NCOA7: variants seen among roughly 807,000 people sequenced by gnomAD.
NCOA7 encodes the protein 140 kDa estrogen receptor-associated protein.
A neutral mutation model predicts 104.3 loss-of-function variants in NCOA7; 45 were observed. The ratio of observed to expected loss-of-function variants is 0.43; its 90% CI spans 0.34 to 0.55. The LOEUF is 0.55. Ranked by LOEUF, NCOA7 falls within the 20% of genes least tolerant of loss-of-function variation. NCOA7 has a pLI of 0.02. For synonymous variants in NCOA7, 398 were observed against 402.3 expected, an observed-to-expected ratio of 0.99 and a Z score of 0.13; for missense variants, 1,041 against 1,119.7, an observed-to-expected ratio of 0.93 and a Z score of 1.00.
chr6:125,836,782 TC>T (rs1358046535), intron 2 of NCOA7, among the ~76,000 whole-genome samples: 1 of 152,212 alleles, frequency 6.6e-6, no homozygotes, highest in East Asian at 1.9e-4. Context: ...TTGCCTTTTA[TC>T]AACAACTACT....
At chr6:125,928,335 G>A (rs1054237765) in intron 15 of NCOA7, 88 bp downstream of exon 15, 18 of 1,195,480 alleles carry the variant, frequency 1.5e-5, no homozygotes, top group African/African-American at 4.6e-5. Flanking sequence ...TTAAAACTTC[G>A]GTGTCAGGTT....
intron 3 of NCOA7, among the ~76,000 whole-genome samples, chr6:125,856,999 C>T (rs908959607): frequency 1.1e-4 from 16 of 152,118 alleles, no homozygotes; most frequent in Non-Finnish European, 1.8e-4. Context: ...GATGATCTAT[C>T]GGCAGCCGAA....
At position 125,889,623 on chromosome 6, in the gene NCOA7, T is replaced by G; in HGVS notation, c.1569T>G (p.Ile523Met). Residue 523 changes from isoleucine to methionine, a missense_variant, in exon 9 of 16, where the codon ATT (isoleucine) becomes ATG (methionine). By Grantham distance (10) the Ile-to-Met change is conservative. Around this residue, in one of 2 missense-constraint regions of NCOA7, gnomAD observed 914 missense variants for 942.7 expected, o/e 0.97. Transcript: ENST00000392477. ...IHEDLDKVKL[I>M]EYYLTKNKEG... is the part of the protein sequence containing the mutation. The stretch of plus-strand genomic sequence containing the variant: ...AAGATTTAGATAAAGTTAAACTCAT[T>G]GAATATTACCTGACTAAGAACAAAG... 1 of 1,613,800 alleles carries G rather than the reference T, an allele frequency of 6.2e-7. No individual in the cohort carries two copies. Among genetic ancestry groups the G allele is most frequent in the Non-Finnish European group, 8.5e-7 (1 of 1,179,940 alleles).
chr6:125,885,413 G>T, intron 8 of NCOA7, 70 bp downstream of exon 8: 3 of 1,480,456 alleles, frequency 2.0e-6, no homozygotes, highest in Non-Finnish European at 1.9e-6. Flanking sequence ...AAAAATGAGG[G>T]CATTTGCATG....
At chr6:125,895,537 G>A (rs186095135) in intron 10 of NCOA7, among the ~76,000 whole-genome samples, 15 of 152,228 alleles carry the variant, frequency 9.9e-5, no homozygotes, top group African/African-American at 2.9e-4. Flanking sequence ...CATGTGCTGC[G>A]TTAGGCCATT....
chr6:125,916,070 C>T (rs575866591), intron 11 of NCOA7, among the ~76,000 whole-genome samples: 3 of 152,274 alleles, frequency 2.0e-5, no homozygotes, highest in East Asian at 3.9e-4. Flanking sequence ...TAATTATAAT[C>T]CCCAAATGTC....
chr6:125,811,721 C>G (rs757217166), intron 1 of NCOA7, among the ~76,000 whole-genome samples: 2 of 152,076 alleles, frequency 1.3e-5, no homozygotes, highest in Non-Finnish European at 2.9e-5. Flanking sequence ...TCCTTGCACT[C>G]GAATTCTTGA....
rs141327228 is a variant in NCOA7 at position 125,785,724 on chromosome 6, G to A, written c.-141-413G>A. ...TCTCAAGCTACTGAACAGACTATTC[G>A]TAGAAGAAATAAGACAACAGGAAAT... is the stretch of plus-strand genomic sequence containing the variant. On this transcript the variant is annotated intron_variant, in intron 1 of 16. Transcript: ENST00000368357. Among the ~76,000 whole-genome samples the A allele has an allele frequency of 3.1e-3, 468 of 152,180 alleles. 1 individual carries two copies. The highest frequency in any genetic ancestry group is 0.011 in the African/African-American group (438 of 41,486).
At chr6:125,893,988 G>A (rs533650004) in intron 10 of NCOA7, among the ~76,000 whole-genome samples, 1 of 152,234 alleles carries the variant, frequency 6.6e-6, no homozygotes, top group African/African-American at 2.4e-5. Flanking sequence ...GGTGTGCTGG[G>A]GAGATCTGCA....
intron 11 of NCOA7, 128 bp from the exon 12 acceptor site, chr6:125,920,815 G>A (rs1335615409): frequency 1.7e-6 from 2 of 1,207,032 alleles, no homozygotes; most frequent in Non-Finnish European, 2.3e-6. Flanking sequence ...CCAAAGTCCT[G>A]TTCAGTTGAT....
intron 1 of NCOA7, among the ~76,000 whole-genome samples, chr6:125,814,098 T>C (rs1777342778): frequency 6.6e-6 from 1 of 152,188 alleles, no homozygotes; most frequent in South Asian, 2.1e-4. Context: ...GTTTATTGAA[T>C]TGAAATGAAT....
intron 1 of NCOA7, among the ~76,000 whole-genome samples, chr6:125,805,845 A>G (rs756941443): frequency 6.6e-6 from 1 of 152,146 alleles, no homozygotes; most frequent in Non-Finnish European, 1.5e-5. Flanking sequence ...GCATATTTGG[A>G]TGCATGGAAA....
Position 125,840,868 on chromosome 6 carries a change from G to GTTTTT in NCOA7, c.51-14114_51-14110dup, listed in dbSNP as rs57168444. On this transcript the variant is annotated intron_variant, in intron 2 of 15. Coordinates refer to ENST00000392477, the MANE Select transcript of NCOA7 (RefSeq NM_181782.5). ...TTTTATGGTTTTTTTTGTTTGGTTG[G>GTTTTT]TTTTTTTTTTTTTTTTTTTTTTTTT... Among the ~76,000 whole-genome samples the GTTTTT allele has an allele frequency of 2.2e-3, 88 of 40,368 alleles. 16 individuals are homozygous for GTTTTT. The highest frequency in any genetic ancestry group is 6.2e-3 in the Admixed American group (14 of 2,264). 26.5% of individuals were successfully genotyped at this position (40,368 alleles called of 152,430 possible).
At chr6:125,913,926 T>C (rs1180436407) in intron 10 of NCOA7, among the ~76,000 whole-genome samples, 1 of 152,140 alleles carries the variant, frequency 6.6e-6, no homozygotes, top group Non-Finnish European at 1.5e-5. Context: ...GGAACGCAAA[T>C]GGAGTCAGGT....
chr6:125,920,923 G>T lies in NCOA7; in HGVS notation c.2245-20G>T. On this transcript the variant is annotated intron_variant, in intron 11 of 15. Transcript: ENST00000392477. ...GAAAAGCCAATAAGTTATTTTTCTT[G>T]GCTTGTTTTCTCATTTCAGATCATC... is the stretch of plus-strand genomic sequence containing the variant. 3 of 1,608,778 alleles carry T rather than the reference G, an allele frequency of 1.9e-6. No individual in the cohort carries two copies. The highest frequency in any genetic ancestry group is 2.2e-5 in the East Asian group (1 of 44,618).
At chr6:125,916,856 A>C (rs941244580) in intron 11 of NCOA7, among the ~76,000 whole-genome samples, 1 of 152,226 alleles carries the variant, frequency 6.6e-6, no homozygotes, top group Non-Finnish European at 1.5e-5. Flanking sequence ...TGGCCCTGCA[A>C]TACTAATTTA....
At chr6:125,887,295 A>G (rs1192127347) in intron 8 of NCOA7, among the ~76,000 whole-genome samples, 6 of 152,212 alleles carry the variant, frequency 3.9e-5, no homozygotes, top group South Asian at 2.1e-4. Flanking sequence ...AGGCTTTAAT[A>G]TGCCAAATTC....
intron 3 of NCOA7, among the ~76,000 whole-genome samples, chr6:125,860,227 A>G (rs1284997508): frequency 2.0e-5 from 3 of 152,248 alleles, no homozygotes; most frequent in Non-Finnish European, 4.4e-5. Flanking sequence ...TTTCAAAATT[A>G]GTTATTAAGT....
At chr6:125,788,834 G>A (rs1432237152), upstream of NCOA7, among the ~76,000 whole-genome samples, 2 of 151,700 alleles carry the variant, frequency 1.3e-5, no homozygotes, top group East Asian at 1.9e-4. Context: ...GAGCCACTGC[G>A]CCTGGCCAGA....
Sources: allele counts gnomAD v4.1 joint callset (sites outside exome capture counted in the v4.1 genomes callset), GRCh38; gene constraint gnomAD v4.1.1; regional missense constraint gnomAD v4.1.1; transcripts MANE v1.5; gene names NCBI Gene and HGNC (gene_info 2026-07-23, HGNC 2026-07-21).